The following PKIB variants were observed in gnomAD, a reference collection of about 807,000 sequenced individuals.
The protein encoded by PKIB is PKI-beta.
PKIB carries 2 observed loss-of-function variants against 4.5 expected under a neutral mutation model. The ratio of observed to expected loss-of-function variants is 0.44; its 90% CI spans 0.18 to 1.39. The LOEUF is 1.39. Ranked by LOEUF, PKIB falls within the 40% of genes most tolerant of loss-of-function variation. The probability of loss-of-function intolerance (pLI) is 0.27; values close to 1 mark genes in which losing one functional copy is unlikely to be tolerated. For synonymous variants in PKIB, 38 were observed against 36.0 expected (o/e 1.06, Z -0.20); for missense variants, 94 against 92.6 (o/e 1.02, Z -0.06).
At chr6:122,530,667 C>G (rs933016641) in intron 2 of PKIB, among the ~76,000 whole-genome samples, 34 of 152,158 alleles carry the variant, frequency 2.2e-4, no homozygotes, top group African/African-American at 7.2e-4. Flanking sequence ...TTCTGAGGAA[C>G]TGCAGCCTAA....
intron 3 of PKIB, among the ~76,000 whole-genome samples, chr6:122,691,057 A>G (rs1472825026): frequency 2.0e-5 from 3 of 151,562 alleles, no homozygotes; most frequent in African/African-American, 2.4e-5. Context: ...GCTGCCAGAC[A>G]TATTGGTGCT....
At chr6:122,531,887 A>G (rs1306070511) in intron 2 of PKIB, among the ~76,000 whole-genome samples, 1 of 152,226 alleles carries the variant, frequency 6.6e-6, no homozygotes, top group African/African-American at 2.4e-5. Flanking sequence ...GAATGAATGT[A>G]GGCAAAAAGA....
At chr6:122,574,752 GATCA>G (rs1305213955) in intron 2 of PKIB, among the ~76,000 whole-genome samples, 5 of 152,102 alleles carry the variant, frequency 3.3e-5, no homozygotes, top group Non-Finnish European at 7.4e-5. Context: ...ATCAACTCAA[GATCA>G]ATCAAAGACT....
intron 2 of PKIB, among the ~76,000 whole-genome samples, chr6:122,584,096 C>T (rs1364661068): frequency 2.0e-5 from 3 of 151,974 alleles, no homozygotes; most frequent in Non-Finnish European, 2.9e-5. Flanking sequence ...GTGAGTGAGG[C>T]AAATGGCTAT....
At chr6:122,671,417 T>C (rs1303806678) in intron 2 of PKIB, among the ~76,000 whole-genome samples, 1 of 152,202 alleles carries the variant, frequency 6.6e-6, no homozygotes, top group Non-Finnish European at 1.5e-5. Context: ...TAGTTGCTTA[T>C]TTGTTCCCAA....
intron 3 of PKIB, among the ~76,000 whole-genome samples, chr6:122,602,413 C>T (rs1245366631): frequency 6.6e-6 from 1 of 152,194 alleles, no homozygotes; most frequent in East Asian, 1.9e-4. Context: ...TCATAAGATG[C>T]ATCTTAGCCT....
At position 122,575,121 on chromosome 6, in the gene PKIB, A is replaced by G. The variant is rs73549361; in HGVS notation, c.-247-10800A>G. Among the ~76,000 whole-genome samples, 364 of 152,322 alleles carry G rather than the reference A, an allele frequency of 2.4e-3. 1 individual carries two copies. Among genetic ancestry groups the G allele is most frequent in the African/African-American group, 8.4e-3 (351 of 41,580 alleles). On this transcript the variant is annotated intron_variant, in intron 2 of 6. Coordinates refer to the PKIB transcript ENST00000392491. ...GTAAACATTTTTCAAACGAAGATAC[A>G]CAAACAGCCAACAAACGTATGAAAA...
At chr6:122,565,270 G>A (rs1364435459) in intron 2 of PKIB, among the ~76,000 whole-genome samples, 2 of 152,106 alleles carry the variant, frequency 1.3e-5, no homozygotes, top group Admixed American at 6.5e-5. Context: ...TTCTTGGGAA[G>A]GTCCTGGAGA....
chr6:122,639,042 A>G (rs953573518), intron 2 of PKIB, among the ~76,000 whole-genome samples: 5 of 152,228 alleles, frequency 3.3e-5, no homozygotes, highest in African/African-American at 9.6e-5. Flanking sequence ...GAAGTAGTCA[A>G]AAGAACTGTG....
chr6:122,530,360 C>G (rs966039639), intron 2 of PKIB, among the ~76,000 whole-genome samples: 9 of 151,986 alleles, frequency 5.9e-5, no homozygotes, highest in Non-Finnish European at 1.3e-4. Flanking sequence ...TATCTGTATT[C>G]TCTTTTAGCT....
intron 1 of PKIB, among the ~76,000 whole-genome samples, chr6:122,616,907 G>T (rs1334960230): frequency 6.6e-6 from 1 of 152,128 alleles, no homozygotes; most frequent in Non-Finnish European, 1.5e-5. Flanking sequence ...TTTAAGACGA[G>T]TAGGCAAAGA....
chr6:122,696,244 C>T (rs1256321683), intron 3 of PKIB, among the ~76,000 whole-genome samples: 1 of 152,110 alleles, frequency 6.6e-6, no homozygotes, highest in Non-Finnish European at 1.5e-5. Context: ...TGAGAACAAA[C>T]CGTAGAGTGG....
At chr6:122,504,942 G>A (rs72958567) in intron 2 of PKIB, among the ~76,000 whole-genome samples, 127 of 152,272 alleles carry the variant, frequency 8.3e-4, no homozygotes, top group Middle Eastern at 6.8e-3. Flanking sequence ...AAAGGTGGGA[G>A]TCAGGGGGCC....
At chr6:122,609,619 T>C (rs528285818), upstream of PKIB, among the ~76,000 whole-genome samples, 4 of 152,324 alleles carry the variant, frequency 2.6e-5, no homozygotes, top group South Asian at 6.2e-4. Flanking sequence ...TGAGTACTAA[T>C]TAAGAGTTTC....
chr6:122,549,301 G>T (rs1057039767), intron 2 of PKIB, among the ~76,000 whole-genome samples: 2 of 152,144 alleles, frequency 1.3e-5, no homozygotes, highest in African/African-American at 4.8e-5. Context: ...ATGGTAACCT[G>T]CTTGAGCAAC....
intron 2 of PKIB, among the ~76,000 whole-genome samples, chr6:122,666,356 A>G (rs1777219315): frequency 2.0e-5 from 3 of 152,330 alleles, no homozygotes; most frequent in African/African-American, 7.2e-5. Flanking sequence ...GCTAACCAAA[A>G]TCATGTCCGT....
intron 2 of PKIB, among the ~76,000 whole-genome samples, chr6:122,506,632 G>A (rs1353046814): frequency 6.6e-6 from 1 of 151,724 alleles, no homozygotes; most frequent in Non-Finnish European, 1.5e-5. Flanking sequence ...GTCCCCTTAG[G>A]AGACCAATTA....
upstream of PKIB, among the ~76,000 whole-genome samples, chr6:122,605,752 C>G (rs909955573): frequency 1.8e-4 from 28 of 152,262 alleles, no homozygotes; most frequent in African/African-American, 6.7e-4. Context: ...CATGACTTCT[C>G]AGTGGTTTTT....
At chr6:122,636,461 A>G (rs1775921635) in intron 2 of PKIB, among the ~76,000 whole-genome samples, 1 of 152,072 alleles carries the variant, frequency 6.6e-6, no homozygotes, top group South Asian at 2.1e-4. Context: ...AATATTATAT[A>G]GCTATGAATA....
Sources: gnomAD v4.1 joint callset for allele counts (sites outside exome capture counted in the v4.1 genomes callset) on GRCh38, gnomAD v4.1.1 for gene constraint, MANE v1.5 for transcripts, NCBI Gene and HGNC (gene_info 2026-07-23, HGNC 2026-07-21) for gene names.